Variants in IMMP2L observed in about 807,000 individuals in gnomAD.
The protein encoded by IMMP2L is inner mitochondrial membrane peptidase subunit 2.
A neutral mutation model predicts 19.3 loss-of-function variants in IMMP2L; 18 were observed. The ratio of observed to expected loss-of-function variants is 0.93; its 90% CI spans 0.64 to 1.38. The LOEUF is 1.38. Among genes scored for constraint, IMMP2L ranks in the 40% most tolerant of loss-of-function variants. The pLI is 0.00. For missense variants in IMMP2L, 233 were observed against 218.2 expected, an observed-to-expected ratio of 1.07 and a Z score of -0.43; for synonymous variants, 76 against 73.0, an observed-to-expected ratio of 1.04 and a Z score of -0.21.
chr7:111,372,680 CA>C (rs1293206666), intron 3 of IMMP2L, among the ~76,000 whole-genome samples: 1 of 151,758 alleles, frequency 6.6e-6, no homozygotes, highest in African/African-American at 2.4e-5. Flanking sequence ...GAGCATGGTA[CA>C]GGATGGCAGA....
At chr7:111,275,290 C>T (rs897636093) in intron 3 of IMMP2L, among the ~76,000 whole-genome samples, 24 of 152,260 alleles carry the variant, frequency 1.6e-4, no homozygotes, top group African/African-American at 5.5e-4. Flanking sequence ...CAGCAAAGCA[C>T]TCTCACACAA....
intron 5 of IMMP2L, among the ~76,000 whole-genome samples, chr7:110,859,078 T>G (rs1015921319): frequency 2.0e-5 from 3 of 152,114 alleles, no homozygotes; most frequent in Non-Finnish European, 4.4e-5. Context: ...TTATTTCTTT[T>G]CTTTTTCACT....
At chr7:110,775,288 A>T (rs1254240060) in intron 5 of IMMP2L, among the ~76,000 whole-genome samples, 1 of 93,624 alleles carries the variant, frequency 1.1e-5, no homozygotes, top group Non-Finnish European at 2.3e-5. Flanking sequence ...TGTGGTTCTG[A>T]TCTAATACAG....
intron 3 of IMMP2L, among the ~76,000 whole-genome samples, chr7:111,108,537 A>G (rs1010564458): frequency 1.3e-5 from 2 of 152,164 alleles, no homozygotes; most frequent in Admixed American, 1.3e-4. Context: ...CAAAACATAC[A>G]TATCTCCATT....
intron 5 of IMMP2L, among the ~76,000 whole-genome samples, chr7:110,680,060 G>C (rs1193443746): frequency 6.6e-6 from 1 of 152,098 alleles, no homozygotes; most frequent in African/African-American, 2.4e-5. Flanking sequence ...CCCCAAAAAA[G>C]GCAGAAACAG....
chr7:111,011,171 T>A (rs1304673560), intron 3 of IMMP2L, among the ~76,000 whole-genome samples: 3 of 152,106 alleles, frequency 2.0e-5, no homozygotes, highest in Non-Finnish European at 4.4e-5. Context: ...TTAAAATATA[T>A]GGTTCTAGTT....
chr7:111,039,305 A>G (rs1585895705), intron 3 of IMMP2L, among the ~76,000 whole-genome samples: 1 of 152,348 alleles, frequency 6.6e-6, no homozygotes, highest in East Asian at 1.9e-4. Context: ...CGTAAAAAAT[A>G]TAGTGTGGTC....
intron 3 of IMMP2L, among the ~76,000 whole-genome samples, chr7:111,049,306 T>C (rs1792779626): frequency 6.6e-6 from 1 of 151,814 alleles, no homozygotes; most frequent in Admixed American, 6.6e-5. Context: ...AATTTTTTTG[T>C]ATTTTTAGTA....
intron 5 of IMMP2L, among the ~76,000 whole-genome samples, chr7:110,855,988 G>A (rs1806719478): frequency 6.8e-6 from 1 of 146,478 alleles, no homozygotes. Flanking sequence ...AAAACTGTAT[G>A]CTTATAGTAA....
At chr7:111,193,105 A>G (rs1360297529) in intron 3 of IMMP2L, among the ~76,000 whole-genome samples, 5 of 152,172 alleles carry the variant, frequency 3.3e-5, no homozygotes, top group Non-Finnish European at 7.3e-5. Context: ...GAGAACAGAG[A>G]GAAAGGAAAA....
intron 3 of IMMP2L, among the ~76,000 whole-genome samples, chr7:111,475,390 C>G (rs1178413223): frequency 1.3e-5 from 2 of 151,890 alleles, no homozygotes; most frequent in Non-Finnish European, 2.9e-5. Context: ...CTTGCCACCT[C>G]TACTCACCAA....
chr7:110,950,844 A>ATG (rs1563105546), intron 4 of IMMP2L, among the ~76,000 whole-genome samples: 2 of 114,442 alleles, frequency 1.7e-5, no homozygotes, highest in Non-Finnish European at 3.4e-5. Context: ...AATGTGGCAT[A>ATG]TATATATATA....
At chr7:111,515,977 C>A (rs1001602065) in intron 2 of IMMP2L, among the ~76,000 whole-genome samples, 26 of 152,194 alleles carry the variant, frequency 1.7e-4, no homozygotes, top group African/African-American at 6.0e-4. Context: ...TGACAAGGCA[C>A]AACTTTTATT....
At chr7:110,857,413 G>C (rs1341118344) in intron 5 of IMMP2L, among the ~76,000 whole-genome samples, 2 of 152,034 alleles carry the variant, frequency 1.3e-5, no homozygotes, top group African/African-American at 4.8e-5. Flanking sequence ...TCTTCAGATT[G>C]TATATTATTA....
intron 5 of IMMP2L, among the ~76,000 whole-genome samples, chr7:110,674,558 A>G (rs747716900): frequency 6.6e-6 from 1 of 152,246 alleles, no homozygotes; most frequent in Non-Finnish European, 1.5e-5. Flanking sequence ...GTAAGAAGAG[A>G]GAGAAATTTC....
At chr7:111,507,886 GA>G (rs1341536609) in intron 2 of IMMP2L, among the ~76,000 whole-genome samples, 10 of 152,076 alleles carry the variant, frequency 6.6e-5, no homozygotes, top group Non-Finnish European at 1.3e-4. Flanking sequence ...CCGTCATCAG[GA>G]TAGCCTGAGT....
intron 3 of IMMP2L, among the ~76,000 whole-genome samples, chr7:111,479,675 G>A (rs1842014050): frequency 6.6e-6 from 1 of 151,928 alleles, no homozygotes; most frequent in South Asian, 2.1e-4. Context: ...TATTTGGGAG[G>A]TCCTTTGCAA....
intron 3 of IMMP2L, among the ~76,000 whole-genome samples, chr7:111,242,527 A>G (rs1173352622): frequency 2.6e-5 from 4 of 152,106 alleles, no homozygotes; most frequent in East Asian, 1.9e-4. Flanking sequence ...AAAAAATCCA[A>G]TGAGCTACAA....
At chr7:111,405,249 C>T (rs564887389) in intron 3 of IMMP2L, among the ~76,000 whole-genome samples, 2 of 152,134 alleles carry the variant, frequency 1.3e-5, no homozygotes, top group African/African-American at 4.8e-5. Flanking sequence ...AAGGATTTAT[C>T]TGTTATCTCT....
Sources: gnomAD v4.1 joint callset for allele counts (sites outside exome capture counted in the v4.1 genomes callset) on GRCh38, gnomAD v4.1.1 for gene constraint, MANE v1.5 for transcripts, NCBI Gene and HGNC (gene_info 2026-07-23, HGNC 2026-07-21) for gene names.